DLG2: variants seen among roughly 807,000 people sequenced by gnomAD.
The protein encoded by DLG2 is disks large homolog 2.
A neutral mutation model predicts 132.5 loss-of-function variants in DLG2; 45 were observed. The observed-to-expected ratio is 0.34, with a 90% CI of 0.27 to 0.44. The LOEUF (loss-of-function observed/expected upper bound fraction) is 0.44. DLG2 is among the 20% of genes least tolerant of loss of function. DLG2 has a pLI of 1.00. For synonymous variants in DLG2, 424 were observed against 419.6 expected, an observed-to-expected ratio of 1.01 and a Z score of -0.13; for missense variants, 1,045 against 1,196.9, an observed-to-expected ratio of 0.87 and a Z score of 1.87.
At chr11:83,545,910 A>G (rs1159452462) in intron 19 of DLG2, among the ~76,000 whole-genome samples, 2 of 152,192 alleles carry the variant, frequency 1.3e-5, no homozygotes, top group African/African-American at 4.8e-5. Context: ...ACAGTGCCCC[A>G]TCACCTAATT....
chr11:84,946,597 A>G (rs2050229448), intron 6 of DLG2, among the ~76,000 whole-genome samples: 1 of 151,996 alleles, frequency 6.6e-6, no homozygotes, highest in South Asian at 2.1e-4. Flanking sequence ...TACAAGACAA[A>G]GTCCTCTTTA....
chr11:83,505,916 C>T (rs1211465483), intron 21 of DLG2, among the ~76,000 whole-genome samples: 1 of 152,152 alleles, frequency 6.6e-6, no homozygotes, highest in African/African-American at 2.4e-5. Flanking sequence ...TAGGGAACTC[C>T]CCATGAGGCC....
chr11:84,783,637 C>T (rs116194752), intron 6 of DLG2, among the ~76,000 whole-genome samples: 225 of 152,206 alleles, frequency 1.5e-3, no homozygotes, highest in African/African-American at 5.2e-3. Context: ...TGTTTACATA[C>T]AATATTTCAC....
In DLG2 at chr11:84,685,460, G is replaced by A. The variant is rs528134961; in HGVS notation, c.358-150729C>T. On this transcript the variant is annotated intron_variant, in intron 6 of 27. Transcript: ENST00000376104. ...CAGTAGTTTCACAGAGCAAGAGCAAGCTGAATCAGGTACAGCCTATCTCCC... is the reference window on the plus strand; with the variant it reads ...CAGTAGTTTCACAGAGCAAGAGCAAACTGAATCAGGTACAGCCTATCTCCC... Among the ~76,000 whole-genome samples the A allele has an allele frequency of 1.1e-4, 17 of 152,292 alleles. No homozygotes were observed. The South Asian group carries it at 3.5e-3, about 32-fold the overall frequency.
intron 18 of DLG2, among the ~76,000 whole-genome samples, chr11:83,712,007 A>AAAAC (rs1223147749): frequency 6.6e-6 from 1 of 152,206 alleles, no homozygotes; most frequent in Non-Finnish European, 1.5e-5. Flanking sequence ...AACAAACAAA[A>AAAAC]AAACCGGATC....
chr11:84,099,196 C>A, intron 9 of DLG2, 149 bp from the exon 10 acceptor site: 1 of 652,266 alleles, frequency 1.5e-6, no homozygotes, highest in East Asian at 2.9e-5. Flanking sequence ...AGTTAGCAGA[C>A]AAAGGAAGGT....
chr11:84,775,973 TTTTG>T (rs1446270779), intron 6 of DLG2, among the ~76,000 whole-genome samples: 1 of 152,220 alleles, frequency 6.6e-6, no homozygotes, highest in Non-Finnish European at 1.5e-5. Flanking sequence ...CGAAGAGCTC[TTTTG>T]TTTGTTTCAA....
intron 6 of DLG2, among the ~76,000 whole-genome samples, chr11:85,099,793 A>T (rs1241530411): frequency 1.3e-5 from 2 of 152,198 alleles, no homozygotes; most frequent in Non-Finnish European, 2.9e-5. Context: ...AATACCAGAT[A>T]AAAGAGAACA....
chr11:85,592,184 G>T (rs1408829841), intron 3 of DLG2, among the ~76,000 whole-genome samples: 1 of 152,052 alleles, frequency 6.6e-6, no homozygotes, highest in Non-Finnish European at 1.5e-5. Flanking sequence ...GTAGGCATTT[G>T]GTCTTAATAG....
At chr11:84,475,467 A>G (rs2099119192) in intron 7 of DLG2, among the ~76,000 whole-genome samples, 2 of 152,082 alleles carry the variant, frequency 1.3e-5, no homozygotes, top group Admixed American at 1.3e-4. Flanking sequence ...TTTGTGTCTC[A>G]GGGGAATAAA....
At chr11:84,187,325 T>G (rs1345525680) in intron 8 of DLG2, among the ~76,000 whole-genome samples, 1 of 151,900 alleles carries the variant, frequency 6.6e-6, no homozygotes, top group African/African-American at 2.4e-5. Context: ...TAAAATGTGG[T>G]TTCTACTTCA....
At chr11:85,350,446 C>T (rs1445500194) in intron 3 of DLG2, among the ~76,000 whole-genome samples, 2 of 152,120 alleles carry the variant, frequency 1.3e-5, no homozygotes, top group Non-Finnish European at 2.9e-5. Context: ...GCTTTTGTTG[C>T]CATTGCTTTT....
chr11:83,842,044 T>C (rs896695599), intron 16 of DLG2, among the ~76,000 whole-genome samples: 9 of 152,236 alleles, frequency 5.9e-5, no homozygotes, highest in African/African-American at 2.2e-4. Flanking sequence ...AAATGTGCTA[T>C]ATTCATTTAT....
intron 18 of DLG2, among the ~76,000 whole-genome samples, chr11:83,644,275 C>T (rs1174111488): frequency 6.6e-6 from 1 of 152,096 alleles, no homozygotes; most frequent in Non-Finnish European, 1.5e-5. Flanking sequence ...ATGTGGCCAT[C>T]TCTCCCTCTT....
At position 83,549,625 on chromosome 11, in the gene DLG2, C is replaced by T. The variant is rs1415926602; in HGVS notation, c.1941-7767G>A. The stretch of plus-strand genomic sequence containing the variant: ...GTAGTAAACTTCTTCAAAACATTTT[C>T]TCACTAGAGGGGTATGGGAAAGGAT... On this transcript the variant is annotated intron_variant, in intron 19 of 27. Coordinates refer to ENST00000376104, the MANE Select transcript of DLG2 (RefSeq NM_001142699.3). Among the ~76,000 whole-genome samples, 8 of 152,284 alleles carry T rather than the reference C, an allele frequency of 5.3e-5. No individual in the cohort carries two copies. The East Asian group carries it at 1.5e-3, about 29-fold the overall frequency.
intron 6 of DLG2, among the ~76,000 whole-genome samples, chr11:84,830,385 G>A (rs1227244743): frequency 6.8e-6 from 1 of 148,014 alleles, no homozygotes; most frequent in African/African-American, 2.5e-5. Context: ...TTTTTTTTTG[G>A]CAAGTGGAGG....
At chr11:85,471,827 AT>A (rs1422097573) in intron 3 of DLG2, among the ~76,000 whole-genome samples, 8 of 152,152 alleles carry the variant, frequency 5.3e-5, no homozygotes, top group African/African-American at 1.2e-4. Context: ...AAAAGACATG[AT>A]TTTTTTCATG....
intron 6 of DLG2, among the ~76,000 whole-genome samples, chr11:84,711,031 T>TAG (rs55655744): frequency 0.05 from 6,287 of 124,724 alleles, 212 homozygotes; most frequent in Middle Eastern, 0.12. Context: ...TATATATATA[T>TAG]AGAGCTGAAA....
chr11:84,298,091 T>G (rs1052813584), intron 7 of DLG2, among the ~76,000 whole-genome samples: 2 of 152,182 alleles, frequency 1.3e-5, no homozygotes, highest in African/African-American at 4.8e-5. Context: ...GTAATCTTAT[T>G]TGTCTACTTG....
Sources: allele counts gnomAD v4.1 joint callset (sites outside exome capture counted in the v4.1 genomes callset), GRCh38; gene constraint gnomAD v4.1.1; transcripts MANE v1.5; gene names NCBI Gene and HGNC (gene_info 2026-07-23, HGNC 2026-07-21).